The following KLRK1 variants were observed in gnomAD, a reference collection of about 807,000 sequenced individuals.
The protein encoded by KLRK1 is killer cell lectin like receptor K1.
A neutral mutation model predicts 31.3 loss-of-function variants in KLRK1; 40 were observed. The ratio of observed to expected loss-of-function variants is 1.28; its 90% CI spans 0.99 to 1.67. KLRK1 has a LOEUF of 1.67. KLRK1 is among the 40% of genes most tolerant of loss of function. The pLI, the probability that KLRK1 is intolerant of heterozygous loss-of-function variation, is 0.00. For synonymous variants in KLRK1, 77 were observed against 77.3 expected (o/e 1.00, Z 0.02); for missense variants, 251 against 260.0 (o/e 0.97, Z 0.24).
intron 7 of KLRK1, among the ~76,000 whole-genome samples, chr12:10,377,634 G>A (rs1405731933): frequency 6.6e-6 from 1 of 152,164 alleles, no homozygotes; most frequent in Non-Finnish European, 1.5e-5. Context: ...TAAGGACATA[G>A]GGACACAGAG....
intron 3 of KLRK1, among the ~76,000 whole-genome samples, chr12:10,386,214 TC>T (rs1565494673): frequency 6.6e-6 from 1 of 152,018 alleles, no homozygotes; most frequent in Admixed American, 6.6e-5. Flanking sequence ...TTTTTGAGTC[TC>T]TCTCTGGGAT....
At chr12:10,375,071 T>C (rs1169986222) in intron 7 of KLRK1, among the ~76,000 whole-genome samples, 1 of 152,102 alleles carries the variant, frequency 6.6e-6, no homozygotes. Flanking sequence ...CATACATAAA[T>C]GAGGCCATCC....
At chr12:10,385,116 G>A (rs543196300) in intron 3 of KLRK1, among the ~76,000 whole-genome samples, 3 of 151,966 alleles carry the variant, frequency 2.0e-5, no homozygotes, top group East Asian at 3.9e-4. Flanking sequence ...TGCAGGGAAA[G>A]GCTAATGTTT....
chr12:10,383,476 C>T (rs1863113943), intron 3 of KLRK1, among the ~76,000 whole-genome samples: 1 of 151,684 alleles, frequency 6.6e-6, no homozygotes, highest in Non-Finnish European at 1.5e-5. Context: ...ACATATGCAC[C>T]CAATATTACA....
Position 10,379,764 on chromosome 12 carries a change from G to A in KLRK1, c.177C>T (p.Ile59=), listed in dbSNP as rs200989597. The stretch of plus-strand genomic sequence containing the variant: ...TGAAACGGATTCCCATGGCTACAGC[G>A]ATGAAGCAGCAGAAAAAAAATGGAG... The part of the protein sequence containing the change: ...NASPFFFCCF[I]AVAMGIRFII... The change falls in exon 4 of 8, where the codon ATC becomes ATT. Residue 59 remains isoleucine, a synonymous_variant. Transcript: ENST00000240618. 146 of 1,611,484 alleles carry A rather than the reference G, an allele frequency of 9.1e-5. No individual in the cohort carries two copies. In the Middle Eastern group the frequency reaches 9.9e-4, roughly 11 times the overall value.
rs540099670 is a variant in KLRK1, at chr12:10,378,721, A to ATAT, written c.278-19_278-17dup. 1.3e-6 allele frequency: 2 copies of ATAT among 1,582,972 alleles called. No individual in the cohort carries two copies. The highest frequency in any genetic ancestry group is 1.2e-5 in the South Asian group (1 of 85,668). On this transcript the variant is annotated splice_polypyrimidine_tract_variant and intron_variant, in intron 5 of 7. Transcript: ENST00000240618. ...CAGTAACTTTCTGGAAAAGGAGAAT[A>ATAT]TATTATTAATTCTACACATCTGAAC...
intron 3 of KLRK1, among the ~76,000 whole-genome samples, chr12:10,381,482 T>C (rs1321189445): frequency 6.6e-6 from 1 of 151,942 alleles, no homozygotes; most frequent in Admixed American, 6.6e-5. Context: ...GTAGAGCAGA[T>C]ACACAAATAA....
chr12:10,378,885 G>A, intron 5 of KLRK1, 180 bp from the exon 6 acceptor site: 1 of 676,720 alleles, frequency 1.5e-6, no homozygotes, highest in Non-Finnish European at 2.2e-6. Context: ...TGGGTGTGGT[G>A]TCTCATGCCT....
At position 10,372,447 on chromosome 12, in the gene KLRK1, A is replaced by G. The variant is rs935492377; in HGVS notation, c.*667T>C. On this transcript the variant is annotated 3_prime_UTR_variant, in exon 8 of 8. Coordinates refer to ENST00000240618, the MANE Select transcript of KLRK1 (RefSeq NM_007360.4). ...ACAAGTTATGTGCTTCCAAAATACAATAGTGGGACAAACATAGGATGGATA... is the reference window on the plus strand; with the variant it reads ...ACAAGTTATGTGCTTCCAAAATACAGTAGTGGGACAAACATAGGATGGATA... 3.3e-5 allele frequency: 5 copies of G among 152,356 alleles called. No individual in the cohort carries two copies. Among genetic ancestry groups the G allele is most frequent in the African/African-American group, 1.2e-4 (5 of 41,474 alleles). The allele number at this position is 152,356 out of a possible 1,614,324, so 9.4% of individuals were successfully genotyped here.
chr12:10,373,706 G>GTGTGTGTA (rs112864835), intron 7 of KLRK1, among the ~76,000 whole-genome samples: 11,619 of 151,632 alleles, frequency 0.077, 1,447 homozygotes, highest in African/African-American at 0.26. Flanking sequence ...GTGTGTGTGT[G>GTGTGTGTA]TGTGTGTGTG....
At chr12:10,386,070 T>C (rs1465989593) in intron 3 of KLRK1, among the ~76,000 whole-genome samples, 1 of 151,936 alleles carries the variant, frequency 6.6e-6, no homozygotes, top group East Asian at 1.9e-4. Context: ...AATAGCTGCA[T>C]TGTATTTCAC....
At chr12:10,382,018 G>A (rs540451968) in intron 3 of KLRK1, 4 of 152,278 alleles carry the variant, frequency 2.6e-5, no homozygotes, top group African/African-American at 9.6e-5. Flanking sequence ...ACCCACCGTG[G>A]GCCAGAGGTG....
rs755792712 is a variant in KLRK1, at chr12:10,378,166, G to A, written c.499C>T (p.Gln167Ter). ...LVHIPTNGSW[Q>*]WEDGSILSPN... ...GAGAGAATGGAGCCATCTTCCCACT[G>A]CCAAGATCCATTTGTTGGAATGTGT... The change falls in exon 7 of 8, where the codon CAG becomes TAG. Residue 167 changes from glutamine to a stop codon, truncating the protein, a stop_gained. Transcript: ENST00000240618. LOFTEE classifies it high-confidence loss of function. 2.5e-6 allele frequency: 4 copies of A among 1,614,098 alleles called. No individual in the cohort carries two copies. The highest frequency in any genetic ancestry group is 3.4e-6 in the Non-Finnish European group (4 of 1,179,962).
At chr12:10,387,602 A>G (rs1278790391) in intron 2 of KLRK1, among the ~76,000 whole-genome samples, 2 of 151,390 alleles carry the variant, frequency 1.3e-5, no homozygotes, top group African/African-American at 4.9e-5. Flanking sequence ...ATGGAGTGCA[A>G]TGGCGTGATA....
chr12:10,376,285 T>C (rs1862963577), intron 7 of KLRK1, among the ~76,000 whole-genome samples: 1 of 114,704 alleles, frequency 8.7e-6, no homozygotes, highest in Admixed American at 9.9e-5. Flanking sequence ...AAACACACTA[T>C]AGTCTAGTCC....
In KLRK1 at chr12:10,373,130, A is replaced by T; in HGVS notation, c.635T>A (p.Met212Lys). The change falls in exon 8 of 8, where the codon ATG becomes AAG. Residue 212 changes from methionine to lysine, a missense_variant. By Grantham distance (95) the Met-to-Lys change is moderately conservative. Coordinates refer to ENST00000240618, the MANE Select transcript of KLRK1 (RefSeq NM_007360.4). ...TGATCATCTTTACACAGTCCTTTGC[A>T]TGCAGATGTACGTATTTGGAGTTGA... The part of the protein sequence containing the change: ...NCSTPNTYIC[M>K]QRTV 6.2e-7 allele frequency: 1 copy of T among 1,612,430 alleles called. No homozygotes were observed. The highest frequency in any genetic ancestry group is 8.5e-7 in the Non-Finnish European group (1 of 1,179,388).
intron 6 of KLRK1, 28 bp downstream of exon 6, chr12:10,378,526 G>A: frequency 6.2e-7 from 1 of 1,607,322 alleles, no homozygotes; most frequent in South Asian, 1.1e-5. Context: ...ATTAAATACA[G>A]GATGGGAAAT....
chr12:10,379,239 G>A (rs973334088), intron 5 of KLRK1: 203 of 138,074 alleles, frequency 1.5e-3, no homozygotes, highest in Middle Eastern at 6.8e-3. Context: ...AAAAAAGAGA[G>A]AGAGAGAGAG....
intron 3 of KLRK1, among the ~76,000 whole-genome samples, chr12:10,385,367 G>C (rs11053782): frequency 1.2e-4 from 18 of 145,820 alleles, no homozygotes; most frequent in African/African-American, 3.1e-4. Context: ...AGCACACACA[G>C]ACACACACAC....
Sources: gnomAD v4.1 joint callset for allele counts (sites outside exome capture counted in the v4.1 genomes callset) on GRCh38, gnomAD v4.1.1 for gene constraint, MANE v1.5 for transcripts, NCBI Gene and HGNC (gene_info 2026-07-23, HGNC 2026-07-21) for gene names.